Variants in SGIP1 observed in about 807,000 individuals in gnomAD.
SGIP1 encodes the protein SH3-containing GRB2-like protein 3-interacting protein 1.
A neutral mutation model predicts 107.5 loss-of-function variants in SGIP1; 38 were observed. That is an observed-to-expected ratio of 0.35 (90% confidence interval 0.27 to 0.46). The LOEUF is 0.46. Among genes scored for constraint, SGIP1 ranks in the 20% least tolerant of loss-of-function variants. SGIP1 has a pLI of 1.00. For missense variants in SGIP1, 929 were observed against 1,019.5 expected, an observed-to-expected ratio of 0.91 and a Z score of 1.21; for synonymous variants, 365 against 366.1, an observed-to-expected ratio of 1.00 and a Z score of 0.03.
chr1:66,611,879 A>G (rs561803805), intron 1 of SGIP1, among the ~76,000 whole-genome samples: 1 of 152,344 alleles, frequency 6.6e-6, no homozygotes, highest in Non-Finnish European at 1.5e-5. Context: ...TTTAGTTTAT[A>G]CATGCCTCAT....
At chr1:66,591,890 G>A (rs1238548459) in intron 1 of SGIP1, among the ~76,000 whole-genome samples, 1 of 152,180 alleles carries the variant, frequency 6.6e-6, no homozygotes, top group Non-Finnish European at 1.5e-5. Flanking sequence ...CCATGGGCAC[G>A]TAGGCCAGAT....
At position 66,625,876 on chromosome 1, in the gene SGIP1, G is replaced by A. The variant is rs762294357; in HGVS notation, c.40G>A (p.Gly14Arg). 2 of 1,612,236 alleles carry A rather than the reference G, an allele frequency of 1.2e-6. No homozygotes were observed. The highest frequency in any genetic ancestry group is 1.1e-5 in the South Asian group (1 of 90,816). The change falls in exon 2 of 25, where the codon GGA becomes AGA. Residue 14 changes from glycine (G) to arginine (R), a missense_variant. Gly to Arg is a moderately radical substitution (Grantham distance 125, BLOSUM62 -2). Around this residue, in one of 2 missense-constraint regions of SGIP1, gnomAD observed 588 missense variants for 588.6 expected, o/e 1.00. Transcript: ENST00000371037. ...GLKKRTRKAF[G>R]IRKKEKDTDS... ...GAAAAAACGTACAAGGAAGGCCTTT[G>A]GAATACGGAAGAAAGAAAAGGACAC...
intron 2 of SGIP1, among the ~76,000 whole-genome samples, chr1:66,627,068 T>C (rs1558119199): frequency 6.6e-6 from 1 of 152,146 alleles, no homozygotes; most frequent in Non-Finnish European, 1.5e-5. Context: ...TGAGGTAACA[T>C]ATTTGAAATG....
rs527980588 is a variant in SGIP1, at chr1:66,664,095, C to T, written c.472-3435C>T. Among the ~76,000 whole-genome samples the T allele has an allele frequency of 8.5e-4, 130 of 152,130 alleles. 2 individuals carry two copies. The highest frequency in any genetic ancestry group is 1.4e-3 in the Non-Finnish European group (95 of 68,016). On this transcript the variant is annotated intron_variant, in intron 8 of 24. Transcript: ENST00000371037. Reference sequence around the variant, plus strand: ...AATTGTTTGTCATGAAATTCCCATACTTCTTTCTACACCAAAGAACTTTTT... The same window carrying T: ...AATTGTTTGTCATGAAATTCCCATATTTCTTTCTACACCAAAGAACTTTTT...
chr1:66,586,128 G>A (rs946811642), intron 1 of SGIP1, among the ~76,000 whole-genome samples: 2 of 151,904 alleles, frequency 1.3e-5, no homozygotes, highest in Non-Finnish European at 2.9e-5. Context: ...TTCTTGTTCT[G>A]ATGTCTACAT....
chr1:66,700,088 T>A (rs935685794), intron 18 of SGIP1, among the ~76,000 whole-genome samples: 1 of 151,634 alleles, frequency 6.6e-6, no homozygotes, highest in Non-Finnish European at 1.5e-5. Context: ...AGAGACAGAG[T>A]GGTGGAGCGC....
chr1:66,708,971 A>C (rs368987208), intron 18 of SGIP1, among the ~76,000 whole-genome samples: 1 of 151,932 alleles, frequency 6.6e-6, no homozygotes, highest in African/African-American at 2.4e-5. Context: ...CATGTTTATC[A>C]ATCATTCGAA....
intron 1 of SGIP1, 77 bp downstream of exon 1, chr1:66,534,445 A>C (rs547073279): frequency 6.5e-7 from 1 of 1,539,634 alleles, no homozygotes; most frequent in East Asian, 2.2e-5. Context: ...ATGTGCAGCC[A>C]GTGTATGTGG....
chr1:66,542,557 G>A (rs375344974), intron 1 of SGIP1, among the ~76,000 whole-genome samples: 61 of 152,306 alleles, frequency 4.0e-4, no homozygotes, highest in African/African-American at 1.4e-3. Flanking sequence ...AGCAGGTAGT[G>A]TAGACAGCGT....
intron 15 of SGIP1, among the ~76,000 whole-genome samples, chr1:66,684,380 G>T (rs2087673135): frequency 6.6e-6 from 1 of 152,188 alleles, no homozygotes; most frequent in Admixed American, 6.5e-5. Flanking sequence ...GAGGGTTACA[G>T]CATCCATCTC....
chr1:66,589,212 A>ATGTG lies in SGIP1; in HGVS notation c.11-36634_11-36633insGTGT, dbSNP rs1203908242. On this transcript the variant is annotated intron_variant, in intron 1 of 24. Transcript: ENST00000371037. ...TATATATATATATATATATATATATATATATGTAAGGCTTGGGGTAAAGAG... is the reference window on the plus strand; with the variant it reads ...TATATATATATATATATATATATATATGTGTATATGTAAGGCTTGGGGTAAAGAG... Among the ~76,000 whole-genome samples, 412 of 89,712 alleles carry ATGTG rather than the reference A, an allele frequency of 4.6e-3. 17 individuals are homozygous for ATGTG. Among genetic ancestry groups the ATGTG allele is most frequent in the African/African-American group, 0.017 (360 of 20,656 alleles). 58.9% of individuals were successfully genotyped at this position (89,712 alleles called of 152,430 possible). A position where few individuals can be genotyped will look rare whatever the true frequency, so the allele number is the denominator to read the frequency against.
At chr1:66,663,765 AG>A (rs1006091954) in intron 8 of SGIP1, among the ~76,000 whole-genome samples, 1 of 152,180 alleles carries the variant, frequency 6.6e-6, no homozygotes, top group African/African-American at 2.4e-5. Context: ...GTCTTTTACT[AG>A]AAAAAAAATT....
At chr1:66,719,636 G>A in intron 19 of SGIP1, among the ~76,000 whole-genome samples, 1 of 152,106 alleles carries the variant, frequency 6.6e-6, no homozygotes, top group East Asian at 1.9e-4. Context: ...TTCCATTTTG[G>A]TTCTAGAGAA....
At chr1:66,679,560 C>A in intron 13 of SGIP1, 118 bp from the exon 14 acceptor site, 2 of 1,038,458 alleles carry the variant, frequency 1.9e-6, no homozygotes, top group Non-Finnish European at 2.9e-6. Flanking sequence ...CCATTAATTG[C>A]TATTCCATTT....
At position 66,696,801 on chromosome 1, in the gene SGIP1, A is replaced by G. The variant is rs886684174; in HGVS notation, c.1630+1308A>G. Among the ~76,000 whole-genome samples the G allele has an allele frequency of 2.6e-5, 4 of 152,234 alleles. No individual in the cohort carries two copies. The East Asian group carries it at 7.7e-4, about 29-fold the overall frequency. On this transcript the variant is annotated intron_variant, in intron 18 of 24. Coordinates refer to ENST00000371037, the MANE Select transcript of SGIP1 (RefSeq NM_032291.4). Reference sequence around the variant, plus strand: ...TTGGGTCATTAATTTTGTGATAACCAAGATGCAAAGTCCACAACTTGTGAC... The same window carrying G: ...TTGGGTCATTAATTTTGTGATAACCGAGATGCAAAGTCCACAACTTGTGAC...
At chr1:66,726,946 G>T (rs1301222339) in intron 19 of SGIP1, among the ~76,000 whole-genome samples, 1 of 152,160 alleles carries the variant, frequency 6.6e-6, no homozygotes, top group Non-Finnish European at 1.5e-5. Flanking sequence ...ACTCCAGTCT[G>T]GGTGACAGAG....
At chr1:66,642,744 G>GA (rs565693472) in intron 5 of SGIP1, 66 bp from the exon 6 acceptor site, 89 of 1,391,368 alleles carry the variant, frequency 6.4e-5, no homozygotes, top group South Asian at 2.9e-4. Flanking sequence ...GAAGACTCTA[G>GA]AAAAAAAATA....
intron 13 of SGIP1, 119 bp from the exon 14 acceptor site, chr1:66,679,559 G>T: frequency 9.7e-7 from 1 of 1,026,482 alleles, no homozygotes; most frequent in South Asian, 1.5e-5. Flanking sequence ...ACCATTAATT[G>T]CTATTCCATT....
intron 12 of SGIP1, among the ~76,000 whole-genome samples, chr1:66,676,218 A>C (rs562285750): frequency 1.3e-5 from 2 of 152,356 alleles, no homozygotes; most frequent in South Asian, 2.1e-4. Context: ...GTCAGTGCAG[A>C]GGATAGATTC....
Sources: allele counts gnomAD v4.1 joint callset (sites outside exome capture counted in the v4.1 genomes callset), GRCh38; gene constraint gnomAD v4.1.1; regional missense constraint gnomAD v4.1.1; transcripts MANE v1.5; gene names NCBI Gene and HGNC (gene_info 2026-07-23, HGNC 2026-07-21).